Variants in ATRX observed in about 807,000 individuals in gnomAD.
ATRX encodes chromatin remodeler ATRX.
ATRX carries 12 observed loss-of-function variants against 172.6 expected under a neutral mutation model. The observed-to-expected ratio is 0.07, with a 90% CI of 0.04 to 0.11. The LOEUF (loss-of-function observed/expected upper bound fraction) is 0.11, where lower values mean the gene tolerates loss of function less well. ATRX is among the 10% of genes least tolerant of loss of function. ATRX has a pLI of 1.00. For synonymous variants in ATRX, 674 were observed against 594.7 expected, an observed-to-expected ratio of 1.13 and a Z score of -1.94; for missense variants, 1,368 against 1,767.4, an observed-to-expected ratio of 0.77 and a Z score of 4.05.
At position 77,683,628 on chromosome X, in the gene ATRX, T is replaced by C; in HGVS notation, c.1628A>G (p.Asp543Gly). 2 of 1,211,738 alleles carry C rather than the reference T, an allele frequency of 1.7e-6. No homozygotes were observed. Among genetic ancestry groups the C allele is most frequent in the Non-Finnish European group, 2.2e-6 (2 of 895,336 alleles). ...TCCACTGCTGCCATCCCCTTGATGA[T>C]CAACTGAACTCTGAACTTCCATAGC... ...ETAMEVQSSV[D>G]HQGDGSSGTE... The change falls in exon 9 of 35, where the codon GAT becomes GGT. Residue 543 changes from aspartate (D) to glycine (G), a missense_variant. Physicochemically the swap from Asp to Gly is moderately conservative, Grantham distance 94 (BLOSUM62 -1). Coordinates refer to ENST00000373344, the MANE Select transcript of ATRX (RefSeq NM_000489.6).
At position 77,506,570 on chromosome X, in the gene ATRX, A is replaced by G. The variant is rs1209734353; in HGVS notation, c.*1781T>C. The G allele has an allele frequency of 5.8e-6, 1 of 173,710 alleles. No individual in the cohort carries two copies. Among genetic ancestry groups the G allele is most frequent in the Non-Finnish European group, 1.1e-5 (1 of 91,133 alleles). The allele number at this position is 173,710 out of a possible 1,213,427, so 14.3% of individuals were successfully genotyped here. On this transcript the variant is annotated 3_prime_UTR_variant, in exon 35 of 35. Transcript: ENST00000373344. ...TGTACTGCCTTCAAATATTTCTCAT[A>G]AATCTTGTCTTTTTCATTTTTTCTA...
intron 1 of ATRX, among the ~76,000 whole-genome samples, chrX:77,736,610 A>C (rs913010542): frequency 8.9e-6 from 1 of 112,688 alleles, no homozygotes; most frequent in Non-Finnish European, 1.9e-5. Flanking sequence ...CCTCATACAC[A>C]GTTGGCAACA....
chrX:77,511,195 C>A (rs782200060), intron 34 of ATRX, among the ~76,000 whole-genome samples: 1 of 111,859 alleles, frequency 8.9e-6, no homozygotes, highest in South Asian at 3.8e-4. Flanking sequence ...ACCACCAAGG[C>A]GGTACCTCTA....
chrX:77,686,773 C>T (rs2071589023), intron 7 of ATRX, among the ~76,000 whole-genome samples: 1 of 110,838 alleles, frequency 9.0e-6, no homozygotes, highest in South Asian at 3.9e-4. Context: ...TCTGTATTTT[C>T]CAGACATCTA....
At chrX:77,548,288 G>A (rs192703135) in intron 30 of ATRX, among the ~76,000 whole-genome samples, 95 of 111,216 alleles carry the variant, frequency 8.5e-4, no homozygotes, top group African/African-American at 3.1e-3. Context: ...TCTGATGCCC[G>A]TTATTTTTTC....
intron 10 of ATRX, 113 bp downstream of exon 10, chrX:77,676,113 T>C: frequency 1.4e-6 from 1 of 694,849 alleles, no homozygotes; most frequent in African/African-American, 2.1e-5. Context: ...CGAGTCTTTC[T>C]AAGGCAGGCA....
chrX:77,529,889 C>T (rs1485404373), intron 30 of ATRX, among the ~76,000 whole-genome samples: 1 of 111,863 alleles, frequency 8.9e-6, no homozygotes, highest in Non-Finnish European at 1.9e-5. Flanking sequence ...AATATTAGAT[C>T]ATTGAGACAG....
At chrX:77,703,430 GCTCTTT>G (rs2072644833) in intron 2 of ATRX, among the ~76,000 whole-genome samples, 1 of 112,724 alleles carries the variant, frequency 8.9e-6, no homozygotes, top group African/African-American at 3.2e-5. Context: ...ATGGGCATCA[GCTCTTT>G]CTCTGTGAGG....
At chrX:77,700,396 AAATGAT>A (rs1557152805) in intron 2 of ATRX, among the ~76,000 whole-genome samples, 2 of 112,039 alleles carry the variant, frequency 1.8e-5, no homozygotes, top group Non-Finnish European at 3.8e-5. Context: ...TGGGAATGCA[AAATGAT>A]ACAGCCACTC....
intron 15 of ATRX, among the ~76,000 whole-genome samples, chrX:77,641,691 T>C (rs1268012667): frequency 9.1e-6 from 1 of 110,252 alleles, no homozygotes; most frequent in Non-Finnish European, 1.9e-5. Context: ...ATGAAAATTA[T>C]AGTACACTGT....
chrX:77,637,939 C>CAAAAAA (rs373944111), intron 15 of ATRX, among the ~76,000 whole-genome samples: 21 of 42,788 alleles, frequency 4.9e-4, no homozygotes, highest in East Asian at 2.4e-3. Context: ...AGCTCCATCT[C>CAAAAAA]AAAAAAAAAA....
At chrX:77,611,782 C>T (rs2067166039) in intron 22 of ATRX, among the ~76,000 whole-genome samples, 1 of 110,964 alleles carries the variant, frequency 9.0e-6, no homozygotes, top group Non-Finnish European at 1.9e-5. Context: ...GTTCTCACCA[C>T]AAAGAAATGA....
At chrX:77,668,837 G>GA (rs782525215) in intron 10 of ATRX, among the ~76,000 whole-genome samples, 224 of 83,945 alleles carry the variant, frequency 2.7e-3, no homozygotes, top group African/African-American at 3.5e-3. Flanking sequence ...AGCAATCGGG[G>GA]AAAAAAAAAA....
chrX:77,629,673 A>G (rs1689586771), intron 19 of ATRX, among the ~76,000 whole-genome samples: 1 of 111,694 alleles, frequency 9.0e-6, no homozygotes, highest in African/African-American at 3.2e-5. Flanking sequence ...AATTATCAAA[A>G]CAAACAAAAA....
intron 30 of ATRX, among the ~76,000 whole-genome samples, chrX:77,554,301 T>C (rs2064683163): frequency 9.1e-6 from 1 of 110,152 alleles, no homozygotes; most frequent in Admixed American, 9.7e-5. Context: ...TGAGACTCTG[T>C]CTCAAAGAAA....
intron 28 of ATRX, among the ~76,000 whole-genome samples, chrX:77,569,913 G>T (rs1224359945): frequency 1.8e-5 from 2 of 111,790 alleles, no homozygotes; most frequent in African/African-American, 6.5e-5. Flanking sequence ...ACTTTTGTAG[G>T]TCTAGACAAG....
chrX:77,700,382 C>G (rs1350180869), intron 2 of ATRX, among the ~76,000 whole-genome samples: 1 of 111,713 alleles, frequency 9.0e-6, no homozygotes, highest in Non-Finnish European at 1.9e-5. Flanking sequence ...TCATTTATTG[C>G]TGGTGGGAAT....
chrX:77,776,309 G>A lies in ATRX; in HGVS notation c.20+9673C>T, dbSNP rs1260612547. ...TCCTGACACATGGTAATAGTAATCAGTAATAACTAATATTTGAGTAACAAT... is the reference window on the plus strand; with the variant it reads ...TCCTGACACATGGTAATAGTAATCAATAATAACTAATATTTGAGTAACAAT... On this transcript the variant is annotated intron_variant, in intron 1 of 34. Coordinates refer to ENST00000373344, the MANE Select transcript of ATRX (RefSeq NM_000489.6). Among the ~76,000 whole-genome samples the A allele has an allele frequency of 3.6e-5, 4 of 111,075 alleles. No individual in the cohort carries two copies. In the East Asian group the frequency reaches 1.2e-3, roughly 33 times the overall value.
intron 34 of ATRX, 136 bp downstream of exon 34, chrX:77,520,652 A>G (rs1467292712): frequency 2.8e-6 from 2 of 720,029 alleles, no homozygotes; most frequent in African/African-American, 4.4e-5. Context: ...GGTTTTTTAC[A>G]TTTCTTCCAG....
Sources: gnomAD v4.1 joint callset for allele counts (sites outside exome capture counted in the v4.1 genomes callset) on GRCh38, gnomAD v4.1.1 for gene constraint, MANE v1.5 for transcripts, NCBI Gene and HGNC (gene_info 2026-07-23, HGNC 2026-07-21) for gene names.